The following APP variants were observed in gnomAD, a reference collection of about 807,000 sequenced individuals.
APP encodes amyloid-beta precursor protein.
Under a neutral mutation model 101.4 loss-of-function variants are expected in APP, and 31 were observed. That is an observed-to-expected ratio of 0.31 (90% CI 0.23 to 0.41). The LOEUF (loss-of-function observed/expected upper bound fraction) is 0.41. Ranked by LOEUF, APP falls within the 10% of genes least tolerant of loss-of-function variation. The probability of loss-of-function intolerance (pLI) is 1.00; values close to 1 mark genes in which losing one functional copy is unlikely to be tolerated. For synonymous variants in APP, 366 were observed against 364.4 expected (o/e 1.00, Z -0.05); for missense variants, 839 against 1,003.7 (o/e 0.84, Z 2.22).
intron 1 of APP, among the ~76,000 whole-genome samples, chr21:26,141,781 G>A (rs1419416976): frequency 6.6e-6 from 1 of 152,130 alleles, no homozygotes; most frequent in Non-Finnish European, 1.5e-5. Flanking sequence ...GAAGAAACAG[G>A]GAAGAGTAAG....
chr21:26,035,501 G>C (rs940043780), intron 5 of APP, among the ~76,000 whole-genome samples: 3 of 152,136 alleles, frequency 2.0e-5, no homozygotes, highest in Non-Finnish European at 4.4e-5. Context: ...ATACCTGTAA[G>C]GAATGTAGGA....
chr21:26,113,114 T>A (rs1453734758), intron 1 of APP, among the ~76,000 whole-genome samples: 2 of 152,022 alleles, frequency 1.3e-5, no homozygotes, highest in African/African-American at 4.8e-5. Flanking sequence ...AGTAAAGGTG[T>A]TATTAAACCA....
intron 1 of APP, among the ~76,000 whole-genome samples, chr21:26,120,536 T>A (rs1238520851): frequency 6.6e-6 from 1 of 152,154 alleles, no homozygotes; most frequent in Non-Finnish European, 1.5e-5. Flanking sequence ...GTCCTAGAAT[T>A]GGAAAGAATC....
intron 3 of APP, among the ~76,000 whole-genome samples, chr21:26,060,270 G>T (rs1274146570): frequency 1.3e-5 from 2 of 152,314 alleles, no homozygotes; most frequent in South Asian, 4.2e-4. Flanking sequence ...TGTTTTACAT[G>T]TGAGTACTGC....
At chr21:25,950,750 C>A (rs1432243078) in intron 13 of APP, among the ~76,000 whole-genome samples, 2 of 152,016 alleles carry the variant, frequency 1.3e-5, no homozygotes, top group Non-Finnish European at 2.9e-5. Context: ...GGGTGACTGG[C>A]TGGGAGTCTA....
chr21:25,955,436 A>G (rs556555445), intron 12 of APP, among the ~76,000 whole-genome samples, 191 bp downstream of exon 12: 1 of 152,332 alleles, frequency 6.6e-6, no homozygotes, highest in South Asian at 2.1e-4. Flanking sequence ...TGTTATTTTC[A>G]TAACTCAGAA....
At chr21:26,098,876 C>T (rs1310143544) in intron 2 of APP, among the ~76,000 whole-genome samples, 1 of 152,126 alleles carries the variant, frequency 6.6e-6, no homozygotes, top group Non-Finnish European at 1.5e-5. Flanking sequence ...TCTTAATTTA[C>T]AGGTCACTGA....
intron 1 of APP, among the ~76,000 whole-genome samples, chr21:26,118,262 A>G (rs2062481006): frequency 6.6e-6 from 1 of 152,202 alleles, no homozygotes; most frequent in Non-Finnish European, 1.5e-5. Flanking sequence ...AGGACCCAGT[A>G]AGAGTGGCAT....
At chr21:25,997,289 A>G in intron 8 of APP, 71 bp downstream of exon 8, 1 of 1,390,192 alleles carries the variant, frequency 7.2e-7, no homozygotes, top group Non-Finnish European at 1.0e-6. Flanking sequence ...GAAGGTGATG[A>G]TGCTGGAGTT....
chr21:25,957,617 T>C (rs1279544581), intron 11 of APP, among the ~76,000 whole-genome samples: 1 of 152,192 alleles, frequency 6.6e-6, no homozygotes, highest in Non-Finnish European at 1.5e-5. Context: ...GCTTTCTTAG[T>C]TGCTCTATTT....
At chr21:26,169,998 G>T (rs1052259365) in intron 1 of APP, among the ~76,000 whole-genome samples, 13 of 152,188 alleles carry the variant, frequency 8.5e-5, no homozygotes, top group Admixed American at 3.9e-4. Context: ...CGCGAAAAGA[G>T]GTTGGAGCAA....
At chr21:25,980,684 C>CA (rs373260001) in intron 9 of APP, among the ~76,000 whole-genome samples, 34,058 of 146,596 alleles carry the variant, frequency 0.23, 4,081 homozygotes, top group South Asian at 0.36. Context: ...AAAAACAAAA[C>CA]AAACAAACAA....
Position 26,134,089 on chromosome 21 carries a change from C to A in APP, c.58-21943G>T, listed in dbSNP as rs190174848. 1.6e-3 allele frequency among the ~76,000 whole-genome samples: 246 copies of A among 152,290 alleles called. 2 individuals carry two copies. In the Middle Eastern group the frequency reaches 0.017, roughly 11 times the overall value. On this transcript the variant is annotated intron_variant, in intron 1 of 17. Coordinates refer to ENST00000346798, the MANE Select transcript of APP (RefSeq NM_000484.4). ...GCAATGTTTGCCTCCTGGACTCAAG[C>A]GATCTTCCCACTCAGCCTCCTGAGT...
intron 15 of APP, chr21:25,898,002 G>T (rs2038192099): frequency 1.4e-5 from 5 of 366,558 alleles, no homozygotes; most frequent in African/African-American, 1.0e-4. Context: ...GGAATATGTT[G>T]GCTTGGCTTA....
intron 13 of APP, among the ~76,000 whole-genome samples, chr21:25,924,395 T>C (rs1340669342): frequency 1.1e-5 from 1 of 93,888 alleles, no homozygotes; most frequent in Non-Finnish European, 2.0e-5. Context: ...AAAAAAAAGA[T>C]TTGAATTTGC....
intron 6 of APP, among the ~76,000 whole-genome samples, chr21:26,017,589 A>C (rs150597088): frequency 6.2e-5 from 5 of 80,692 alleles, no homozygotes; most frequent in African/African-American, 2.5e-4. Flanking sequence ...CAGGGGTACA[A>C]CGAATAGTTG....
At chr21:25,967,613 CTTTGG>C (rs2041844176) in intron 11 of APP, among the ~76,000 whole-genome samples, 1 of 152,140 alleles carries the variant, frequency 6.6e-6, no homozygotes, top group Admixed American at 6.5e-5. Context: ...CCTATCTGGC[CTTTGG>C]TTTAACTGTA....
rs2061430837 is a variant in APP at position 26,072,741 on chromosome 21, C to T, written c.355+17202G>A. ...TTCTGCATCAATAGCAGGGTTTCTA[C>T]ATTAAATTCATTCAAATTTAATTAG... On this transcript the variant is annotated intron_variant, in intron 3 of 17. Transcript: ENST00000346798. Among the ~76,000 whole-genome samples, 2 of 152,164 alleles carry T rather than the reference C, an allele frequency of 1.3e-5. 1 individual carries two copies. Among genetic ancestry groups the T allele is most frequent in the Admixed American group, 1.3e-4 (2 of 15,272 alleles).
At chr21:25,997,245 A>C in intron 8 of APP, 115 bp downstream of exon 8, 1 of 1,014,536 alleles carries the variant, frequency 9.9e-7, no homozygotes, top group Non-Finnish European at 1.6e-6. Context: ...CATTTTACTA[A>C]GACAGGTGTT....
Sources: gnomAD v4.1 joint callset for allele counts (sites outside exome capture counted in the v4.1 genomes callset) on GRCh38, gnomAD v4.1.1 for gene constraint, MANE v1.5 for transcripts, NCBI Gene and HGNC (gene_info 2026-07-23, HGNC 2026-07-21) for gene names.